Variants in DIP2A observed in about 807,000 individuals in gnomAD.
The protein encoded by DIP2A is DIP2 acetate--CoA ligase A, also known as disco-interacting protein 2 homolog A.
A neutral mutation model predicts 177.4 loss-of-function variants in DIP2A; 85 were observed. The ratio of observed to expected loss-of-function variants is 0.48; its 90% CI spans 0.40 to 0.57. The LOEUF is 0.57. Among genes scored for constraint, DIP2A ranks in the 20% least tolerant of loss-of-function variants. The pLI, the probability that DIP2A is intolerant of heterozygous loss-of-function variation, is 0.00. For synonymous variants in DIP2A, 886 were observed against 881.8 expected (o/e 1.00, Z -0.08); for missense variants, 1,791 against 2,100.2 (o/e 0.85, Z 2.88).
At chr21:46,464,090 G>A (rs190384827) in intron 1 of DIP2A, among the ~76,000 whole-genome samples, 1 of 151,582 alleles carries the variant, frequency 6.6e-6, no homozygotes, top group African/African-American at 2.4e-5. Flanking sequence ...ATATTTTGTG[G>A]TATATAAAAG....
intron 1 of DIP2A, among the ~76,000 whole-genome samples, chr21:46,470,744 A>G (rs1158683064): frequency 6.7e-6 from 1 of 149,952 alleles, no homozygotes; most frequent in Non-Finnish European, 1.5e-5. Context: ...AGCCTGGACG[A>G]CAGAGTGAGA....
chr21:46,576,146 C>A, the DIP2A span, among the ~76,000 whole-genome samples: 1 of 152,124 alleles, frequency 6.6e-6, no homozygotes, highest in Non-Finnish European at 1.5e-5. Context: ...TTTTTAAGTT[C>A]TAGGGTACAT....
At chr21:46,535,939 C>T (rs2059551315) in intron 13 of DIP2A, among the ~76,000 whole-genome samples, 2 of 152,120 alleles carry the variant, frequency 1.3e-5, no homozygotes, top group African/African-American at 4.8e-5. Context: ...TGGTGACCTT[C>T]TAGGAGTGGG....
At position 46,566,627 on chromosome 21, in the gene DIP2A, C is replaced by G. The variant is rs756566717; in HGVS notation, c.4407C>G (p.Tyr1469Ter). The change falls in exon 37 of 38, where the codon TAC becomes TAG. Residue 1469 changes from tyrosine (Y) to a stop codon, truncating the protein, a stop_gained. Coordinates refer to ENST00000417564, the MANE Select transcript of DIP2A (RefSeq NM_015151.4). LOFTEE classifies it high-confidence loss of function. ...DETLELRGMR[Y>*]HPIDIETSVI... ...CTCTGGAGCTCAGAGGCATGCGGTA[C>G]CACCCCATCGACATTGAGACCTCTG... 6.2e-7 allele frequency: 1 copy of G among 1,614,202 alleles called. No individual in the cohort carries two copies. Among genetic ancestry groups the G allele is most frequent in the South Asian group, 1.1e-5 (1 of 91,082 alleles).
rs368417917 is a variant in DIP2A, at chr21:46,545,928, C to T, written c.2361C>T (p.Phe787=). The T allele has an allele frequency of 3.3e-4, 530 of 1,613,902 alleles. No homozygotes were observed. The highest frequency in any genetic ancestry group is 4.0e-4 in the Non-Finnish European group (469 of 1,179,904). ...GAGCACCCATCTTTGACAGGCCATT[C>T]ACCAGGACAGGCCTGCTGGGCTTCA... ...TGGAPIFDRP[F]TRTGLLGFIG... The change falls in exon 20 of 38, where the codon TTC becomes TTT. Residue 787 remains phenylalanine (F), a synonymous_variant. Transcript: ENST00000417564.
intron 8 of DIP2A, among the ~76,000 whole-genome samples, chr21:46,518,172 G>T (rs904147153): frequency 6.6e-6 from 1 of 152,326 alleles, no homozygotes; most frequent in Middle Eastern, 3.4e-3. Context: ...GAATACATGG[G>T]CTGTATCCAG....
rs151337762 is a variant in DIP2A, at chr21:46,548,181, CGTGTGTGTGTGT to C, written c.2522+1156_2522+1167del. Reference sequence around the variant, plus strand: ...GGCAGGCTGTGCTCATGCATGTGTGCGTGTGTGTGTGTGTGTGTGTGTGTGTGTTTGTGTGCG... The same window carrying C: ...GGCAGGCTGTGCTCATGCATGTGTGCGTGTGTGTGTGTGTGTTTGTGTGCG... On this transcript the variant is annotated intron_variant, in intron 21 of 37. Coordinates refer to ENST00000417564, the MANE Select transcript of DIP2A (RefSeq NM_015151.4). 5.9e-3 allele frequency among the ~76,000 whole-genome samples: 865 copies of C among 147,674 alleles called. 4 individuals carry two copies. Among genetic ancestry groups the C allele is most frequent in the Middle Eastern group, 0.021 (6 of 284 alleles).
chr21:46,524,601 CA>C (rs1471345752), intron 8 of DIP2A, among the ~76,000 whole-genome samples: 2 of 152,132 alleles, frequency 1.3e-5, no homozygotes, highest in African/African-American at 4.8e-5. Flanking sequence ...AGAAAGAATT[CA>C]GGGCAAGTCA....
rs2060877929 is a variant in DIP2A, at chr21:46,567,724, C to CCTGTG, written c.*105_*109dup. On this transcript the variant is annotated 3_prime_UTR_variant, in exon 38 of 38. Coordinates refer to ENST00000417564, the MANE Select transcript of DIP2A (RefSeq NM_015151.4). ...AGCTCACTCACCGGGACTCGCCCTT[C>CCTGTG]CTGTGCTCTTACAGATCCCTCTCAA... is the stretch of plus-strand genomic sequence containing the variant. 1 of 1,420,584 alleles carries CCTGTG rather than the reference C, an allele frequency of 7.0e-7. No individual in the cohort carries two copies. Among genetic ancestry groups the CCTGTG allele is most frequent in the Non-Finnish European group, 9.4e-7 (1 of 1,064,208 alleles). 88.0% of individuals were successfully genotyped at this position (1,420,584 alleles called of 1,614,324 possible).
At chr21:46,474,230 A>G (rs2055650362) in intron 1 of DIP2A, among the ~76,000 whole-genome samples, 1 of 152,216 alleles carries the variant, frequency 6.6e-6, no homozygotes, top group African/African-American at 2.4e-5. Flanking sequence ...GACGTGGAAC[A>G]CAAAAGGAGT....
intron 33 of DIP2A, chr21:46,561,064 A>G: frequency 1.0e-6 from 1 of 953,490 alleles, no homozygotes; most frequent in Non-Finnish European, 1.2e-6. Context: ...GCTGCAGTTA[A>G]CATCCCTTTA....
intron 6 of DIP2A, among the ~76,000 whole-genome samples, chr21:46,506,842 C>T (rs541054977): frequency 7.4e-6 from 1 of 135,370 alleles, no homozygotes; most frequent in South Asian, 2.6e-4. Context: ...TTCACTGTCA[C>T]CCAGGCAGAG....
chr21:46,530,461 A>C (rs1281865286), intron 9 of DIP2A, among the ~76,000 whole-genome samples: 2 of 152,246 alleles, frequency 1.3e-5, no homozygotes, highest in Admixed American at 1.3e-4. Flanking sequence ...GGAAACAACA[A>C]GGAAAGCTAG....
At position 46,463,599 on chromosome 21, in the gene DIP2A, T is replaced by C. The variant is rs535722998; in HGVS notation, c.91+4377T>C. Among the ~76,000 whole-genome samples the C allele has an allele frequency of 5.3e-5, 8 of 152,304 alleles. No homozygotes were observed. The East Asian group carries it at 1.5e-3, about 29-fold the overall frequency. ...AATAAAATGAAAAGGGGGAAAAAAC[T>C]CTGGGTATACAGGAAGAGACTTCTC... is the stretch of plus-strand genomic sequence containing the variant. On this transcript the variant is annotated intron_variant, in intron 1 of 37. Coordinates refer to ENST00000417564, the MANE Select transcript of DIP2A (RefSeq NM_015151.4).
In DIP2A at chr21:46,551,656, C is replaced by G; in HGVS notation, c.2862C>G (p.Ile954Met). 2 of 1,613,976 alleles carry G rather than the reference C, an allele frequency of 1.2e-6. No individual in the cohort carries two copies. The highest frequency in any genetic ancestry group is 1.7e-6 in the Non-Finnish European group (2 of 1,179,880). ...KQPEVGPASM[I>M]VGNLVAGKRI... Reference sequence around the variant, plus strand: ...TAGAGGTTGGACCAGCCTCAATGATCGTGGGGAACCTGGTTGCTGGGAAGA... The same window carrying G: ...TAGAGGTTGGACCAGCCTCAATGATGGTGGGGAACCTGGTTGCTGGGAAGA... The change falls in exon 24 of 38, where the codon ATC becomes ATG. Residue 954 changes from isoleucine to methionine, a missense_variant. Physicochemically the swap from Ile to Met is conservative, Grantham distance 10 (BLOSUM62 1). Transcript: ENST00000417564.
chr21:46,528,929 G>A (rs1305666930), intron 8 of DIP2A, among the ~76,000 whole-genome samples, 163 bp from the exon 9 acceptor site: 1 of 152,068 alleles, frequency 6.6e-6, no homozygotes, highest in Non-Finnish European at 1.5e-5. Flanking sequence ...AGAAAACAAT[G>A]ATGTTCATTA....
chr21:46,536,547 G>A (rs1297408154), intron 13 of DIP2A, among the ~76,000 whole-genome samples: 1 of 152,144 alleles, frequency 6.6e-6, no homozygotes, highest in Non-Finnish European at 1.5e-5. Context: ...GAATATCCCT[G>A]ACAGTTTTTC....
intron 10 of DIP2A, among the ~76,000 whole-genome samples, chr21:46,532,624 T>C (rs1330410474): frequency 6.6e-6 from 1 of 152,212 alleles, no homozygotes; most frequent in Non-Finnish European, 1.5e-5. Flanking sequence ...AAAATAATTA[T>C]TATTTCTTAG....
chr21:46,570,106 G>C (rs1037224513), downstream of DIP2A, among the ~76,000 whole-genome samples: 1 of 152,166 alleles, frequency 6.6e-6, no homozygotes, highest in Non-Finnish European at 1.5e-5. Flanking sequence ...GTACATCAGC[G>C]TTGTTTCAAC....
Sources: gnomAD v4.1 joint callset for allele counts (sites outside exome capture counted in the v4.1 genomes callset) on GRCh38, gnomAD v4.1.1 for gene constraint, MANE v1.5 for transcripts, NCBI Gene and HGNC (gene_info 2026-07-23, HGNC 2026-07-21) for gene names.